Variants in TIMP3 observed in about 807,000 individuals in gnomAD.
The protein encoded by TIMP3 is TIMP metallopeptidase inhibitor 3, also known as metalloproteinase inhibitor 3.
TIMP3 carries 11 observed loss-of-function variants against 30.0 expected under a neutral mutation model. That is an observed-to-expected ratio of 0.37 (90% CI 0.23 to 0.61). The LOEUF (loss-of-function observed/expected upper bound fraction) is 0.61. TIMP3 is among the 20% of genes least tolerant of loss of function. The pLI is 0.70. For missense variants in TIMP3, 181 were observed against 276.8 expected (o/e 0.65, Z 2.45); for synonymous variants, 112 against 111.3 (o/e 1.01, Z -0.04).
At chr22:32,839,023 G>A (rs1470323727) in intron 1 of TIMP3, among the ~76,000 whole-genome samples, 2 of 151,772 alleles carry the variant, frequency 1.3e-5, no homozygotes, top group Non-Finnish European at 2.9e-5. Flanking sequence ...GCTTCCTGGA[G>A]GAGGTAGCAT....
chr22:32,830,414 A>G (rs947332600), intron 1 of TIMP3, among the ~76,000 whole-genome samples: 1 of 152,152 alleles, frequency 6.6e-6, no homozygotes, highest in African/African-American at 2.4e-5. Flanking sequence ...GTCTATAGCT[A>G]GGAGGAGCTG....
In TIMP3 at chr22:32,855,903, A is replaced by C. The variant is rs190494016; in HGVS notation, c.205-1346A>C. Among the ~76,000 whole-genome samples, 4 of 152,234 alleles carry C rather than the reference A, an allele frequency of 2.6e-5. No homozygotes were observed. In the East Asian group the frequency reaches 7.7e-4, roughly 29 times the overall value. On this transcript the variant is annotated intron_variant, in intron 2 of 4. Transcript: ENST00000266085. Reference sequence around the variant, plus strand: ...ACGTGGTTCAATCTAACAATTATAAAGTATTTAACAGTTAAAACTCTTTGA... The same window carrying C: ...ACGTGGTTCAATCTAACAATTATAACGTATTTAACAGTTAAAACTCTTTGA...
chr22:32,820,693 A>T (rs186859885), intron 1 of TIMP3, among the ~76,000 whole-genome samples: 8 of 152,290 alleles, frequency 5.3e-5, no homozygotes, highest in Admixed American at 3.3e-4. Flanking sequence ...CCCAGGCACC[A>T]AGGAGCACCT....
intron 2 of TIMP3, among the ~76,000 whole-genome samples, chr22:32,856,904 T>C (rs928075951): frequency 2.6e-5 from 4 of 152,176 alleles, no homozygotes; most frequent in Admixed American, 2.0e-4. Flanking sequence ...AGTGAGAACA[T>C]GGTGTATTTG....
At chr22:32,807,327 A>G (rs1464108736) in intron 1 of TIMP3, among the ~76,000 whole-genome samples, 9 of 84,796 alleles carry the variant, frequency 1.1e-4, no homozygotes, top group African/African-American at 4.6e-4. Flanking sequence ...ATATAAATAT[A>G]TAATTTATAT....
rs368322787 is a variant in TIMP3, at chr22:32,841,020, T to C, written c.122-8432T>C. Reference sequence around the variant, plus strand: ...GAGAATTGCTGTTACCCCCTTTTGATTGAATAAGACTTAGAAAGACTGGTC... The same window carrying C: ...GAGAATTGCTGTTACCCCCTTTTGACTGAATAAGACTTAGAAAGACTGGTC... On this transcript the variant is annotated intron_variant, in intron 1 of 4. Coordinates refer to ENST00000266085, the MANE Select transcript of TIMP3 (RefSeq NM_000362.5). Among the ~76,000 whole-genome samples, 22 of 152,306 alleles carry C rather than the reference T, an allele frequency of 1.4e-4. No homozygotes were observed. In the East Asian group the frequency reaches 3.5e-3, roughly 24 times the overall value.
chr22:32,810,018 C>T (rs992679807), intron 1 of TIMP3, among the ~76,000 whole-genome samples: 1 of 152,318 alleles, frequency 6.6e-6, no homozygotes, highest in African/African-American at 2.4e-5. Flanking sequence ...GTTGAGGTCC[C>T]TATCCTTTCA....
intron 1 of TIMP3, 71 bp from the exon 2 acceptor site, chr22:32,849,381 C>T (rs576487299): frequency 9.8e-5 from 136 of 1,387,832 alleles, no homozygotes; most frequent in Non-Finnish European, 1.2e-4. Context: ...CTAGCGTGCC[C>T]GCCCTGAGAT....
chr22:32,809,392 C>G (rs1479706097), intron 1 of TIMP3, among the ~76,000 whole-genome samples: 1 of 152,188 alleles, frequency 6.6e-6, no homozygotes, highest in African/African-American at 2.4e-5. Context: ...TTTTCTTCCT[C>G]TCCAGACATG....
chr22:32,810,526 G>A (rs1444365892), intron 1 of TIMP3, among the ~76,000 whole-genome samples: 3 of 141,112 alleles, frequency 2.1e-5, no homozygotes, highest in African/African-American at 7.7e-5. Context: ...TGATTGGGCG[G>A]GGGGTGGGTA....
chr22:32,848,744 C>T (rs1444322603), intron 1 of TIMP3, among the ~76,000 whole-genome samples: 2 of 152,186 alleles, frequency 1.3e-5, no homozygotes, highest in Non-Finnish European at 2.9e-5. Flanking sequence ...AGGCCAGAAA[C>T]AAAGTTACTT....
At chr22:32,857,443 T>G in intron 3 of TIMP3, 83 bp downstream of exon 3, 1 of 1,018,512 alleles carries the variant, frequency 9.8e-7, no homozygotes, top group South Asian at 1.3e-5. Flanking sequence ...TACGGAGTAG[T>G]TGACTCACCA....
chr22:32,809,363 T>TCAGTCTGC (rs1341378980), intron 1 of TIMP3, among the ~76,000 whole-genome samples: 7 of 152,200 alleles, frequency 4.6e-5, no homozygotes, highest in Non-Finnish European at 1.0e-4. Context: ...GGGGTCCCCG[T>TCAGTCTGC]CAGTCTGCTT....
At chr22:32,820,419 T>C (rs1393362457) in intron 1 of TIMP3, among the ~76,000 whole-genome samples, 1 of 151,710 alleles carries the variant, frequency 6.6e-6, no homozygotes, top group Non-Finnish European at 1.5e-5. Flanking sequence ...CCTCTGCTCA[T>C]CCACCCATTC....
intron 1 of TIMP3, among the ~76,000 whole-genome samples, chr22:32,807,361 T>TAAATATATAATATATA (rs5845034): frequency 4.5e-5 from 5 of 110,946 alleles, no homozygotes; most frequent in East Asian, 2.2e-4. Context: ...ATATAATATA[T>TAAATATATAATATATA]AATATATATT....
At chr22:32,804,177 G>T (rs2145943545) in intron 1 of TIMP3, among the ~76,000 whole-genome samples, 1 of 152,320 alleles carries the variant, frequency 6.6e-6, no homozygotes, top group Non-Finnish European at 1.5e-5. Context: ...AATCTTCGAT[G>T]CTCTGGCACG....
At chr22:32,849,970 C>T (rs2048174505) in intron 2 of TIMP3, among the ~76,000 whole-genome samples, 1 of 151,790 alleles carries the variant, frequency 6.6e-6, no homozygotes, top group South Asian at 2.1e-4. Flanking sequence ...TTCATGCAGC[C>T]ACTGAGGTTA....
chr22:32,852,369 T>C (rs2048244055), intron 2 of TIMP3, among the ~76,000 whole-genome samples: 2 of 152,008 alleles, frequency 1.3e-5, no homozygotes, highest in South Asian at 4.2e-4. Flanking sequence ...TCAGTTTGGG[T>C]TTGTTGGTTT....
rs370498490 is a variant in TIMP3 at position 32,840,634 on chromosome 22, C to T, written c.122-8818C>T. Among the ~76,000 whole-genome samples the T allele has an allele frequency of 3.1e-4, 47 of 152,176 alleles. No individual in the cohort carries two copies. In the East Asian group the frequency reaches 8.0e-3, roughly 26 times the overall value. On this transcript the variant is annotated intron_variant, in intron 1 of 4. Coordinates refer to ENST00000266085, the MANE Select transcript of TIMP3 (RefSeq NM_000362.5). ...CCTCACTTCCAGCTGCTCTCCTTACCGCCGCCCCCTCCGCCCCCCACCCAG... is the reference window on the plus strand; with the variant it reads ...CCTCACTTCCAGCTGCTCTCCTTACTGCCGCCCCCTCCGCCCCCCACCCAG...
Sources: gnomAD v4.1 joint callset for allele counts (sites outside exome capture counted in the v4.1 genomes callset) on GRCh38, gnomAD v4.1.1 for gene constraint, MANE v1.5 for transcripts, NCBI Gene and HGNC (gene_info 2026-07-23, HGNC 2026-07-21) for gene names.